SEC24A: variants seen among roughly 807,000 people sequenced by gnomAD.
SEC24A encodes SEC24 homolog A, COPII component.
A neutral mutation model predicts 129.4 loss-of-function variants in SEC24A; 93 were observed. The observed-to-expected ratio is 0.72, with a 90% CI of 0.61 to 0.85. SEC24A has a LOEUF of 0.85. Ranked by LOEUF, SEC24A falls within the 40% of genes least tolerant of loss-of-function variation. The pLI is 0.00. For missense variants in SEC24A, 1,264 were observed against 1,307.4 expected (o/e 0.97, Z 0.51); for synonymous variants, 460 against 467.3 (o/e 0.98, Z 0.20).
At position 134,661,213 on chromosome 5, in the gene SEC24A, A is replaced by G; in HGVS notation, c.192A>G (p.Ala64=). 1 of 1,614,164 alleles carries G rather than the reference A, an allele frequency of 6.2e-7. No individual in the cohort carries two copies. The highest frequency in any genetic ancestry group is 8.5e-7 in the Non-Finnish European group (1 of 1,180,022). Residue 64 remains alanine (A), a synonymous_variant, in exon 2 of 23, where the codon GCA becomes GCG. Coordinates refer to ENST00000398844, the MANE Select transcript of SEC24A (RefSeq NM_021982.3). ...GATCCTACCCTCATCCAATACCAGC[A>G]AAGACTTTGAATCCAGTCTCTGGAC... ...LPGSYPHPIP[A]KTLNPVSGQS...
Position 134,695,921 on chromosome 5 carries a change from G to C in SEC24A, c.1987-1205G>C, listed in dbSNP as rs535580701. Among the ~76,000 whole-genome samples the C allele has an allele frequency of 2.0e-5, 3 of 148,246 alleles. No individual in the cohort carries two copies. In the East Asian group the frequency reaches 6.0e-4, roughly 30 times the overall value. Reference sequence around the variant, plus strand: ...GATCACGCCACTGCACTCCAGCCTGGGTGACAGAGTGAGACTCTGTCTCAA... The same window carrying C: ...GATCACGCCACTGCACTCCAGCCTGCGTGACAGAGTGAGACTCTGTCTCAA... On this transcript the variant is annotated intron_variant, in intron 13 of 22. Coordinates refer to ENST00000398844, the MANE Select transcript of SEC24A (RefSeq NM_021982.3).
rs530427873 is a variant in SEC24A, at chr5:134,708,760, C to T, written c.2599C>T (p.Leu867=). 6.8e-6 allele frequency: 11 copies of T among 1,614,148 alleles called. No individual in the cohort carries two copies. Among genetic ancestry groups the T allele is most frequent in the East Asian group, 2.2e-5 (1 of 44,880 alleles). Residue 867 remains leucine, a synonymous_variant, in exon 18 of 23, where the codon CTA becomes TTA. Coordinates refer to ENST00000398844, the MANE Select transcript of SEC24A (RefSeq NM_021982.3). ...TASLSDARDA[L]VNAVIDSLSA... Reference sequence around the variant, plus strand: ...CAGTCTGAGTGACGCTCGGGATGCTCTAGTGAATGCAGTCATTGACTCCCT... The same window carrying T: ...CAGTCTGAGTGACGCTCGGGATGCTTTAGTGAATGCAGTCATTGACTCCCT...
In SEC24A at chr5:134,723,518, A is replaced by C. The variant is rs541101824; in HGVS notation, c.3064-49A>C. On this transcript the variant is annotated intron_variant, in intron 21 of 22. Transcript: ENST00000398844. ...ATTTGAAAAGTACCATAGACCATAC[A>C]TTAGATATGTAATTAAAGTAATTGG... The C allele has an allele frequency of 2.1e-5, 24 of 1,133,460 alleles. No individual in the cohort carries two copies. In the East Asian group the frequency reaches 5.6e-4, roughly 27 times the overall value. The allele number at this position is 1,133,460 out of a possible 1,614,324, so 70.2% of individuals were successfully genotyped here.
intron 7 of SEC24A, 36 bp from the exon 8 acceptor site, chr5:134,679,566 G>A: frequency 1.4e-6 from 2 of 1,469,946 alleles, no homozygotes; most frequent in East Asian, 2.3e-5. Flanking sequence ...GATGATTTTT[G>A]CCTTTAAAAA....
intron 15 of SEC24A, among the ~76,000 whole-genome samples, chr5:134,700,111 A>G (rs1208902294): frequency 6.6e-6 from 1 of 151,976 alleles, no homozygotes; most frequent in African/African-American, 2.4e-5. Context: ...TTTTTATTTA[A>G]ATAAATATTA....
At chr5:134,705,824 A>G (rs1157508159) in intron 17 of SEC24A, among the ~76,000 whole-genome samples, 3 of 151,694 alleles carry the variant, frequency 2.0e-5, no homozygotes, top group Non-Finnish European at 4.4e-5. Flanking sequence ...GCCTTAAGTA[A>G]CCACTAAACT....
intron 18 of SEC24A, among the ~76,000 whole-genome samples, chr5:134,709,529 C>G (rs111300261): frequency 6.6e-6 from 1 of 152,192 alleles, no homozygotes; most frequent in Non-Finnish European, 1.5e-5. Context: ...CACACATGCA[C>G]TGTGTGTTCT....
intron 18 of SEC24A, among the ~76,000 whole-genome samples, chr5:134,712,642 T>C (rs1752360883): frequency 6.6e-6 from 1 of 151,842 alleles, no homozygotes; most frequent in African/African-American, 2.4e-5. Flanking sequence ...TTTTTGAGAC[T>C]AGTCTGGCTC....
chr5:134,727,446 A>ATG lies in SEC24A; in HGVS notation c.*2352_*2353insTG, dbSNP rs1752781252. On this transcript the variant is annotated 3_prime_UTR_variant, in exon 23 of 23. Coordinates refer to ENST00000398844, the MANE Select transcript of SEC24A (RefSeq NM_021982.3). The stretch of plus-strand genomic sequence containing the variant: ...ACATACTAATAGTCACTCAAGCAGT[A>ATG]CCATTTATTTTAGTTTGCATATATT... The ATG allele has an allele frequency of 6.6e-6, 1 of 152,596 alleles. No homozygotes were observed. Among genetic ancestry groups the ATG allele is most frequent in the Non-Finnish European group, 1.5e-5 (1 of 68,022 alleles). The allele number at this position is 152,596 out of a possible 1,614,324, so 9.5% of individuals were successfully genotyped here.
chr5:134,693,526 A>C, intron 12 of SEC24A: 4 of 1,425,532 alleles, frequency 2.8e-6, no homozygotes, highest in African/African-American at 1.4e-5. Flanking sequence ...GTAAGGCCCA[A>C]CTTTGATTTG....
chr5:134,688,274 G>T lies in SEC24A; in HGVS notation c.1698G>T (p.Gln566His). The change falls in exon 11 of 23, where the codon CAG (glutamine) becomes CAT (histidine). Residue 566 changes from glutamine (Q) to histidine (H), a missense_variant. By Grantham distance (24) the Gln-to-His change is conservative (BLOSUM62 0). Coordinates refer to ENST00000398844, the MANE Select transcript of SEC24A (RefSeq NM_021982.3). ...TTCAGGAAAGTCTCTCTCAACCTCA[G>T]ATGCTAATAGTTTCAGATATTGAAG... ...YGLQESLSQP[Q>H]MLIVSDIEDV... 6.3e-7 allele frequency: 1 copy of T among 1,592,152 alleles called. No individual in the cohort carries two copies.
chr5:134,679,901 A>G (rs1269978623), intron 8 of SEC24A, among the ~76,000 whole-genome samples, 173 bp downstream of exon 8: 2 of 151,966 alleles, frequency 1.3e-5, no homozygotes, highest in Non-Finnish European at 2.9e-5. Flanking sequence ...TTATAAATAA[A>G]TTTAATTATT....
chr5:134,674,504 T>C, intron 4 of SEC24A, 111 bp from the exon 5 acceptor site: 1 of 950,434 alleles, frequency 1.1e-6, no homozygotes, highest in Non-Finnish European at 1.5e-6. Flanking sequence ...ACCACTGCAC[T>C]GCAGCCTGGG....
At position 134,661,410 on chromosome 5, in the gene SEC24A, C is replaced by G; in HGVS notation, c.389C>G (p.Ala130Gly). 1 of 1,614,188 alleles carries G rather than the reference C, an allele frequency of 6.2e-7. No individual in the cohort carries two copies. The highest frequency in any genetic ancestry group is 1.6e-4 in the Middle Eastern group (1 of 6,062). The change falls in exon 2 of 23, where the codon GCC becomes GGC. Residue 130 changes from alanine to glycine, a missense_variant. Coordinates refer to ENST00000398844, the MANE Select transcript of SEC24A (RefSeq NM_021982.3). The stretch of plus-strand genomic sequence containing the variant: ...CCTTCTAGTAGCTTTCTTCCTGAAG[C>G]CAACCTGCCACCACCTTTGAATTGG... ...PMPSSSFLPEANLPPPLNWQY... is the reference protein window; with the variant it reads ...PMPSSSFLPEGNLPPPLNWQY...
chr5:134,719,192 G>A (rs1752562775), intron 20 of SEC24A, among the ~76,000 whole-genome samples: 1 of 151,868 alleles, frequency 6.6e-6, no homozygotes, highest in African/African-American at 2.4e-5. Flanking sequence ...GACCAGCCGG[G>A]GCAACATGGT....
Position 134,693,160 on chromosome 5 carries a change from C to G in SEC24A, c.1779+503C>G, listed in dbSNP as rs1054449906. Reference sequence around the variant, plus strand: ...TGTCTACCCTGTACATGCATATATGCCGTAGGGGTAACATTTTAACTAGCA... The same window carrying G: ...TGTCTACCCTGTACATGCATATATGGCGTAGGGGTAACATTTTAACTAGCA... On this transcript the variant is annotated intron_variant, in intron 12 of 22. Transcript: ENST00000398844. 4.6e-6 allele frequency: 7 copies of G among 1,534,484 alleles called. No homozygotes were observed. In the African/African-American group the frequency reaches 8.2e-5, roughly 18 times the overall value.
intron 7 of SEC24A, among the ~76,000 whole-genome samples, chr5:134,677,553 A>G (rs190689302): frequency 2.0e-5 from 3 of 151,304 alleles, no homozygotes; most frequent in Admixed American, 1.3e-4. Context: ...AAAAAAAAAT[A>G]AAGGCCAGGT....
chr5:134,671,538 G>A (rs1750862222), intron 3 of SEC24A, among the ~76,000 whole-genome samples: 1 of 152,086 alleles, frequency 6.6e-6, no homozygotes, highest in Non-Finnish European at 1.5e-5. Context: ...TTTTGAAAAA[G>A]CCTTGTTATT....
chr5:134,698,481 T>C (rs1013595841), intron 15 of SEC24A, among the ~76,000 whole-genome samples: 8 of 151,758 alleles, frequency 5.3e-5, no homozygotes, highest in African/African-American at 1.7e-4. Context: ...GGTGCACGTC[T>C]GTAGTCCCAG....
Sources: gnomAD v4.1 joint callset for allele counts (sites outside exome capture counted in the v4.1 genomes callset) on GRCh38, gnomAD v4.1.1 for gene constraint, MANE v1.5 for transcripts, NCBI Gene and HGNC (gene_info 2026-07-23, HGNC 2026-07-21) for gene names.